The following LUZP1 variants were observed in gnomAD, a reference collection of about 807,000 sequenced individuals.
The protein encoded by LUZP1 is filamin mechanobinding actin cross-linking protein.
Under a neutral mutation model 71.3 loss-of-function variants are expected in LUZP1, and 25 were observed. That is an observed-to-expected ratio of 0.35 (90% CI 0.26 to 0.49). LUZP1 has a LOEUF of 0.49. Among genes scored for constraint, LUZP1 ranks in the 20% least tolerant of loss-of-function variants. LUZP1 has a pLI of 0.99. For synonymous variants in LUZP1, 481 were observed against 506.4 expected, an observed-to-expected ratio of 0.95 and a Z score of 0.67; for missense variants, 1,142 against 1,300.8, an observed-to-expected ratio of 0.88 and a Z score of 1.88.
chr1:23,089,101 G>A, intron 4 of LUZP1, 48 bp from the exon 4 acceptor site: 1 of 1,582,980 alleles, frequency 6.3e-7, no homozygotes, highest in Middle Eastern at 1.7e-4. Flanking sequence ...AGTAAAGTGA[G>A]GACCGAGACA....
chr1:23,149,658 C>T (rs1334294953), intron 2 of LUZP1, among the ~76,000 whole-genome samples: 2 of 152,044 alleles, frequency 1.3e-5, no homozygotes, highest in African/African-American at 2.4e-5. Flanking sequence ...AAGCTGCATA[C>T]AAAATGCCAT....
chr1:23,093,220 T>G lies in LUZP1; in HGVS notation c.1042A>C (p.Lys348Gln), dbSNP rs1643873752. The G allele has an allele frequency of 1.2e-6, 2 of 1,614,166 alleles. No individual in the cohort carries two copies. The highest frequency in any genetic ancestry group is 2.2e-5 in the South Asian group (2 of 91,078). ...CCATTTTCTAACTCTTTCTGTTTCT[T>G]GATTTGTAGCTTTATCTCCTCCAGT... The change falls in exon 4 of 5, where the codon AAG becomes CAG. Residue 348 changes from lysine to glutamine, a missense_variant. By Grantham distance (53) the Lys-to-Gln change is moderately conservative. Transcript: ENST00000302291. The surrounding 1 kb of genome is among the most constrained non-coding windows in gnomAD (Gnocchi z 4.2).
intron 3 of LUZP1, among the ~76,000 whole-genome samples, chr1:23,098,657 T>C (rs1643907829): frequency 6.6e-6 from 1 of 152,084 alleles, no homozygotes; most frequent in Admixed American, 6.5e-5. Flanking sequence ...GCAGCAACGA[T>C]AGAGTATTAG....
At chr1:23,090,571 A>G in intron 4 of LUZP1, 1 of 440,644 alleles carries the variant, frequency 2.3e-6, no homozygotes, top group Non-Finnish European at 4.1e-6. Flanking sequence ...GTAATGAGCT[A>G]TACTGAACCA....
At chr1:23,177,075 G>GC (rs1044061134) in intron 1 of LUZP1, among the ~76,000 whole-genome samples, 6 of 54,040 alleles carry the variant, frequency 1.1e-4, no homozygotes, top group African/African-American at 6.2e-4. Flanking sequence ...AAGGATGATG[G>GC]GGGGGGGGTC....
chr1:23,117,926 C>T (rs113642180), intron 2 of LUZP1, among the ~76,000 whole-genome samples: 50 of 151,786 alleles, frequency 3.3e-4, no homozygotes, highest in African/African-American at 1.2e-3. Context: ...CCTGTCTCTA[C>T]TAAAAATACA....
intron 3 of LUZP1, among the ~76,000 whole-genome samples, chr1:23,100,265 T>A (rs1643920575): frequency 6.6e-6 from 1 of 152,222 alleles, no homozygotes; most frequent in Admixed American, 6.5e-5. Context: ...GTCGGCCCTT[T>A]GGCAATGACC....
chr1:23,136,293 TAAACAC>T (rs1049731126), intron 2 of LUZP1, among the ~76,000 whole-genome samples: 8 of 80,856 alleles, frequency 9.9e-5, no homozygotes, highest in Non-Finnish European at 1.4e-4. Context: ...GATTCCGTCT[TAAACAC>T]ACACACACAC....
chr1:23,092,810 G>C, exon 4 of LUZP1: 1 of 1,613,830 alleles, frequency 6.2e-7, no homozygotes, highest in South Asian at 1.1e-5. Context: ...ACGCTTTACT[G>C]TGCTCCTGAG....
At chr1:23,166,653 CA>C (rs538327046) in intron 2 of LUZP1, among the ~76,000 whole-genome samples, 1,655 of 70,816 alleles carry the variant, frequency 0.023, 18 homozygotes, top group African/African-American at 0.069. Flanking sequence ...CACTCCGTCT[CA>C]AAAAAAAAAA....
chr1:23,168,515 C>CA (rs1557700039), intron 2 of LUZP1, among the ~76,000 whole-genome samples: 2 of 151,134 alleles, frequency 1.3e-5, no homozygotes, highest in Non-Finnish European at 3.0e-5. Flanking sequence ...AAAATCTCCT[C>CA]AGAGTCTCTT....
chr1:23,177,495 AAACCCT>A (rs1398556941), exon 1 of LUZP1: 1 of 152,242 alleles, frequency 6.6e-6, no homozygotes, highest in South Asian at 2.1e-4. Context: ...ACTCACCTAG[AAACCCT>A]CAGGCCTCAG....
chr1:23,125,502 G>C (rs1307125966), intron 2 of LUZP1, among the ~76,000 whole-genome samples: 1 of 152,082 alleles, frequency 6.6e-6, no homozygotes, highest in African/African-American at 2.4e-5. Flanking sequence ...TAAACTCTTA[G>C]TAACAGGTAA....
intron 2 of LUZP1, among the ~76,000 whole-genome samples, chr1:23,156,949 A>G (rs1450253825): frequency 6.6e-6 from 1 of 152,274 alleles, no homozygotes; most frequent in Non-Finnish European, 1.5e-5. Context: ...ATGACTTACC[A>G]GAATTAAGAA....
At chr1:23,173,274 A>T (rs1644562762) in intron 1 of LUZP1, among the ~76,000 whole-genome samples, 1 of 151,084 alleles carries the variant, frequency 6.6e-6, no homozygotes, top group East Asian at 2.0e-4. Context: ...ATAAATAAAT[A>T]AAAAAGAGCT....
chr1:23,096,349 TAATTA>T (rs1430666377), intron 3 of LUZP1, among the ~76,000 whole-genome samples: 1 of 151,814 alleles, frequency 6.6e-6, no homozygotes, highest in Non-Finnish European at 1.5e-5. Flanking sequence ...GATGGGGAAA[TAATTA>T]AAAAGGTCCA....
At chr1:23,102,163 G>A (rs1256507164) in intron 3 of LUZP1, among the ~76,000 whole-genome samples, 1 of 152,108 alleles carries the variant, frequency 6.6e-6, no homozygotes, top group East Asian at 1.9e-4. Flanking sequence ...ACCATAAGAA[G>A]GTTTTTACAA....
intron 2 of LUZP1, among the ~76,000 whole-genome samples, chr1:23,159,528 T>C (rs1644447906): frequency 6.6e-6 from 1 of 152,238 alleles, no homozygotes; most frequent in Non-Finnish European, 1.5e-5. Context: ...GGGGTTAAAA[T>C]AATAAACTAT....
chr1:23,128,408 C>G (rs1644189244), intron 2 of LUZP1, among the ~76,000 whole-genome samples: 1 of 152,100 alleles, frequency 6.6e-6, no homozygotes, highest in South Asian at 2.1e-4. Flanking sequence ...TACTTGCCTC[C>G]CCATCTAACA....
Sources: allele counts gnomAD v4.1 joint callset (sites outside exome capture counted in the v4.1 genomes callset), GRCh38; gene constraint gnomAD v4.1.1; non-coding constraint Gnocchi (gnomAD v3.1); transcripts MANE v1.5; gene names NCBI Gene and HGNC (gene_info 2026-07-23, HGNC 2026-07-21).